Variants in LINGO2 observed in about 807,000 individuals in gnomAD.
LINGO2 encodes leucine rich repeat and Ig domain containing 2, also known as leucine-rich repeat and immunoglobulin-like domain-containing nogo receptor-interacting protein 2.
LINGO2 carries 14 observed loss-of-function variants against 30.6 expected under a neutral mutation model. The observed-to-expected ratio is 0.46, with a 90% confidence interval of 0.30 to 0.72. The LOEUF (loss-of-function observed/expected upper bound fraction) is 0.72. Ranked by LOEUF, LINGO2 falls within the 30% of genes least tolerant of loss-of-function variation. The pLI is 0.07. For synonymous variants in LINGO2, 317 were observed against 288.5 expected (o/e 1.10, Z -1.00); for missense variants, 729 against 751.7 (o/e 0.97, Z 0.35).
chr9:28,068,271 T>A (rs1323022864), intron 4 of LINGO2, among the ~76,000 whole-genome samples: 1 of 152,152 alleles, frequency 6.6e-6, no homozygotes, highest in Non-Finnish European at 1.5e-5. Flanking sequence ...AAGGCCAAAG[T>A]GCTTTAAAGG....
At chr9:28,379,299 T>C (rs949372692) in intron 2 of LINGO2, among the ~76,000 whole-genome samples, 3 of 152,052 alleles carry the variant, frequency 2.0e-5, no homozygotes, top group African/African-American at 7.2e-5. Flanking sequence ...GTTTCATGTG[T>C]GTTTGATGGG....
the LINGO2 span, among the ~76,000 whole-genome samples, chr9:29,094,466 G>C: frequency 5.8e-5 from 8 of 139,098 alleles, no homozygotes; most frequent in African/African-American, 2.1e-4. Context: ...TCTAACTCAT[G>C]TCTTTTATAA....
At position 28,228,504 on chromosome 9, in the gene LINGO2, T is replaced by C. The variant is rs555549437; in HGVS notation, c.-87+66704A>G. On this transcript the variant is annotated intron_variant, in intron 4 of 5. Transcript: ENST00000379992. ...GAAAATGTTGGGATTTGAAACTTTA[T>C]AACCAAAAAGATATTATTTCTGTTA... Among the ~76,000 whole-genome samples the C allele has an allele frequency of 1.3e-3, 205 of 152,124 alleles. 1 individual carries two copies. The highest frequency in any genetic ancestry group is 3.4e-4 in the Non-Finnish European group (23 of 67,890).
intron 4 of LINGO2, among the ~76,000 whole-genome samples, chr9:28,045,515 A>T (rs1345595073): frequency 6.6e-6 from 1 of 152,218 alleles, no homozygotes; most frequent in African/African-American, 2.4e-5. Context: ...GAATTTTAAA[A>T]GTGATTATAA....
the LINGO2 span, among the ~76,000 whole-genome samples, chr9:28,676,322 A>G: frequency 1.3e-5 from 2 of 152,234 alleles, no homozygotes; most frequent in East Asian, 1.9e-4. Context: ...ATATTCAATG[A>G]ATAATTTGAC....
At chr9:28,640,449 C>A (rs12376599) in intron 1 of LINGO2, among the ~76,000 whole-genome samples, 176 of 151,914 alleles carry the variant, frequency 1.2e-3, no homozygotes, top group Non-Finnish European at 1.4e-3. Flanking sequence ...CCGTTACTTT[C>A]AGGTACACCA....
At chr9:28,414,877 T>C (rs1027469324) in intron 2 of LINGO2, among the ~76,000 whole-genome samples, 8 of 152,042 alleles carry the variant, frequency 5.3e-5, no homozygotes, top group African/African-American at 1.9e-4. Flanking sequence ...TGAGTGAAAA[T>C]TCTTGAAAAG....
the LINGO2 span, among the ~76,000 whole-genome samples, chr9:28,915,137 A>G: frequency 6.6e-6 from 1 of 152,198 alleles, no homozygotes; most frequent in African/African-American, 2.4e-5. Context: ...TCTCAAACAA[A>G]CAAACAAAAA....
the LINGO2 span, among the ~76,000 whole-genome samples, chr9:28,841,256 A>C: frequency 2.0e-5 from 3 of 151,776 alleles, no homozygotes; most frequent in African/African-American, 4.9e-5. Context: ...AGGGATATCC[A>C]GTATCTACTC....
the LINGO2 span, among the ~76,000 whole-genome samples, chr9:28,879,026 T>C: frequency 4.6e-5 from 7 of 152,100 alleles, no homozygotes; most frequent in Non-Finnish European, 8.8e-5. Flanking sequence ...TGTATTCAAT[T>C]AGGAAAAGAG....
At chr9:28,319,443 T>C (rs892433637) in intron 3 of LINGO2, among the ~76,000 whole-genome samples, 1 of 152,198 alleles carries the variant, frequency 6.6e-6, no homozygotes, top group Non-Finnish European at 1.5e-5. Context: ...TAATTGTATC[T>C]ACAAAATTGC....
intron 1 of LINGO2, among the ~76,000 whole-genome samples, chr9:28,625,633 C>T (rs1826625650): frequency 6.6e-6 from 1 of 151,964 alleles, no homozygotes; most frequent in African/African-American, 2.4e-5. Flanking sequence ...ATTTGTAAAG[C>T]ACAGTAAAAT....
chr9:29,177,669 T>C, the LINGO2 span, among the ~76,000 whole-genome samples: 2 of 152,198 alleles, frequency 1.3e-5, no homozygotes, highest in African/African-American at 2.4e-5. Flanking sequence ...CCACTAATCA[T>C]GATGTTGATT....
the LINGO2 span, among the ~76,000 whole-genome samples, chr9:28,852,575 G>T: frequency 1.3e-5 from 2 of 151,960 alleles, no homozygotes; most frequent in Non-Finnish European, 2.9e-5. Flanking sequence ...GTACTGCCAT[G>T]ATATTACCAC....
intron 1 of LINGO2, among the ~76,000 whole-genome samples, chr9:28,651,182 CAA>C (rs5897316): frequency 1.3e-4 from 17 of 130,302 alleles, no homozygotes; most frequent in Admixed American, 3.1e-4. Flanking sequence ...GACTCAGTCT[CAA>C]AAAAAAAAAA....
chr9:28,610,852 A>G (rs2135784385), intron 1 of LINGO2, among the ~76,000 whole-genome samples: 1 of 152,306 alleles, frequency 6.6e-6, no homozygotes, highest in Non-Finnish European at 1.5e-5. Context: ...CCACATCTTT[A>G]GTAACTTTTA....
chr9:29,212,229 C>G, the LINGO2 span, among the ~76,000 whole-genome samples: 1 of 151,978 alleles, frequency 6.6e-6, no homozygotes, highest in Admixed American at 6.6e-5. Context: ...CGCGCCGGGA[C>G]TGCCGCTCAC....
chr9:28,731,242 G>T, the LINGO2 span, among the ~76,000 whole-genome samples: 1 of 151,990 alleles, frequency 6.6e-6, no homozygotes, highest in African/African-American at 2.4e-5. Context: ...ACCCGCCTCG[G>T]CCTCCCAAGG....
downstream of LINGO2, among the ~76,000 whole-genome samples, chr9:27,946,056 C>G (rs1326543974): frequency 6.6e-6 from 1 of 152,114 alleles, no homozygotes; most frequent in Admixed American, 6.6e-5. Context: ...GAGTATTACT[C>G]TAGTCTGAAG....
Sources: allele counts gnomAD v4.1 joint callset (sites outside exome capture counted in the v4.1 genomes callset), GRCh38; gene constraint gnomAD v4.1.1; transcripts MANE v1.5; gene names NCBI Gene and HGNC (gene_info 2026-07-23, HGNC 2026-07-21).